NDST2: variants seen among roughly 807,000 people sequenced by gnomAD.
The protein encoded by NDST2 is bifunctional heparan sulfate N-deacetylase/N-sulfotransferase 2.
Under a neutral mutation model 86.9 loss-of-function variants are expected in NDST2, and 32 were observed. That is an observed-to-expected ratio of 0.37 (90% confidence interval 0.28 to 0.49). NDST2 has a LOEUF of 0.49. NDST2 is among the 20% of genes least tolerant of loss of function. The probability of loss-of-function intolerance (pLI) is 0.97; values close to 1 mark genes in which losing one functional copy is unlikely to be tolerated. For synonymous variants in NDST2, 409 were observed against 437.0 expected, an observed-to-expected ratio of 0.94 and a Z score of 0.80; for missense variants, 950 against 1,146.9, an observed-to-expected ratio of 0.83 and a Z score of 2.48.
Position 73,806,855 on chromosome 10 carries a change from G to A in NDST2, c.1094-44C>T. 1.2e-6 allele frequency: 2 copies of A among 1,600,400 alleles called. No individual in the cohort carries two copies. The highest frequency in any genetic ancestry group is 2.7e-5 in the African/African-American group (2 of 74,732). On this transcript the variant is annotated intron_variant, in intron 4 of 14. Coordinates refer to ENST00000309979, the MANE Select transcript of NDST2 (RefSeq NM_003635.4). The surrounding 1 kb of genome is among the most constrained non-coding windows in gnomAD (Gnocchi z 4.5). Reference sequence around the variant, plus strand: ...CACTGACCACAGCCAGTCAGCCCCTGTTCCCTCCTTTATTTTGTAACAACA... The same window carrying A: ...CACTGACCACAGCCAGTCAGCCCCTATTCCCTCCTTTATTTTGTAACAACA...
chr10:73,802,847 C>G lies in NDST2; in HGVS notation c.2424-71G>C, dbSNP rs897671468. The G allele has an allele frequency of 1.5e-5, 22 of 1,516,362 alleles. No individual in the cohort carries two copies. The African/African-American group carries it at 2.7e-4, about 19-fold the overall frequency. The allele number at this position is 1,516,362 out of a possible 1,614,324, so 93.9% of individuals were successfully genotyped here. On this transcript the variant is annotated intron_variant, in intron 13 of 14. Coordinates refer to ENST00000309979, the MANE Select transcript of NDST2 (RefSeq NM_003635.4). The stretch of plus-strand genomic sequence containing the variant: ...TCAAGTTCCATAAATGCACAATGCC[C>G]TTCCCTGCCCACAGGGACATGTCTC...
chr10:73,810,390 G>A (rs928972908), intron 2 of NDST2, among the ~76,000 whole-genome samples: 24 of 151,956 alleles, frequency 1.6e-4, no homozygotes, highest in African/African-American at 5.6e-4. Context: ...CGTGGGAGGC[G>A]GAAATTGCAG....
At chr10:73,805,515 AAACAAC>A (rs201618317) in intron 8 of NDST2, 66 bp downstream of exon 8, 19 of 1,465,780 alleles carry the variant, frequency 1.3e-5, no homozygotes, top group East Asian at 6.9e-5. Context: ...TTCTGTCTCA[AAACAAC>A]AACAACAACA....
intron 7 of NDST2, 30 bp downstream of exon 7, chr10:73,805,870 A>G (rs760416169): frequency 2.5e-6 from 4 of 1,613,770 alleles, no homozygotes; most frequent in African/African-American, 1.3e-5. Context: ...TGGCTCTCCA[A>G]TCTTCTAGCC....
In NDST2 at chr10:73,806,888, C is replaced by T; in HGVS notation, c.1094-77G>A. The T allele has an allele frequency of 6.3e-7, 1 of 1,577,502 alleles. No homozygotes were observed. Reference sequence around the variant, plus strand: ...CTTTATTTTGTAACAACACTGACCACCTTCCATCCCTGATCCTTGCCTAAG... The same window carrying T: ...CTTTATTTTGTAACAACACTGACCATCTTCCATCCCTGATCCTTGCCTAAG... On this transcript the variant is annotated intron_variant, in intron 4 of 14. Transcript: ENST00000309979. The surrounding 1 kb of genome is among the most constrained non-coding windows in gnomAD (Gnocchi z 4.5).
Position 73,808,528 on chromosome 10 carries a change from G to C in NDST2, c.-140C>G. On this transcript the variant is annotated 5_prime_UTR_variant, in exon 3 of 15. Coordinates refer to ENST00000309979, the MANE Select transcript of NDST2 (RefSeq NM_003635.4). This position sits in a 1 kb window ranked among gnomAD's most constrained non-coding sequence, Gnocchi z 4.3. ...GATTCCCTTGGGGAGTTTCCTTTAC[G>C]AGGTGGAGACGAGTCCCCTTAGCAT... 1 of 859,290 alleles carries C rather than the reference G, an allele frequency of 1.2e-6. No homozygotes were observed. The highest frequency in any genetic ancestry group is 1.7e-6 in the Non-Finnish European group (1 of 576,378). 53.2% of individuals were successfully genotyped at this position (859,290 alleles called of 1,614,324 possible). A position where few individuals can be genotyped will look rare whatever the true frequency, so the allele number is the denominator to read the frequency against.
In NDST2 at chr10:73,803,200, G is replaced by C. The variant is rs762174772; in HGVS notation, c.2302C>G (p.Pro768Ala). 6.2e-7 allele frequency: 1 copy of C among 1,614,212 alleles called. No individual in the cohort carries two copies. The highest frequency in any genetic ancestry group is 8.5e-7 in the Non-Finnish European group (1 of 1,180,036). Residue 768 changes from proline to alanine, a missense_variant, in exon 12 of 15, where the codon CCC becomes GCC. Pro to Ala is a conservative substitution (Grantham distance 27). Transcript: ENST00000309979. Reference protein sequence around the residue: ...THLQRWLTYYPSGQLLIVDGQ... With the variant: ...THLQRWLTYYASGQLLIVDGQ... ...TGTGGGGATTATACCTGTCCAGAGG[G>C]GTAGTAAGTCAGCCAGCGTTGTAGA... is the stretch of plus-strand genomic sequence containing the variant.
At position 73,802,462 on chromosome 10, in the gene NDST2, T is replaced by G; in HGVS notation, c.2641A>C (p.Ser881Arg). The change falls in exon 15 of 15, where the codon AGT becomes CGT. Residue 881 changes from serine to arginine, a missense_variant. By Grantham distance (110) the Ser-to-Arg change is moderately radical. Coordinates refer to ENST00000309979, the MANE Select transcript of NDST2 (RefSeq NM_003635.4). The part of the protein sequence containing the change: ...SWLREELQHS[S>R]LG The stretch of plus-strand genomic sequence containing the variant: ...GGGAGGCTGGGACATCAGCCCAGAC[T>G]GGAATGCTGCAGTTCTTCCCGAAGC... The G allele has an allele frequency of 6.2e-7, 1 of 1,612,972 alleles. No homozygotes were observed. The highest frequency in any genetic ancestry group is 8.5e-7 in the Non-Finnish European group (1 of 1,180,018).
rs1408046517 is a variant in NDST2, at chr10:73,806,442, A to G, written c.1281T>C (p.Ala427=). ...ACACACCCGAGTGGTGGGGGGCCAC[A>G]GCATACCCCAGGTCCGTGGGAATCC... ...EHGIPTDLGY[A]VAPHHSGVYP... Residue 427 remains alanine (A), a synonymous_variant, in exon 6 of 15, where the codon GCT becomes GCC. Transcript: ENST00000309979. The surrounding 1 kb of genome is among the most constrained non-coding windows in gnomAD (Gnocchi z 4.5). 1 of 1,606,926 alleles carries G rather than the reference A, an allele frequency of 6.2e-7. No individual in the cohort carries two copies. The highest frequency in any genetic ancestry group is 2.2e-5 in the East Asian group (1 of 44,808).
rs748464169 is a variant in NDST2, at chr10:73,803,331, G to A, written c.2171C>T (p.Ala724Val). 6.2e-7 allele frequency: 1 copy of A among 1,614,252 alleles called. No individual in the cohort carries two copies. The highest frequency in any genetic ancestry group is 8.5e-7 in the Non-Finnish European group (1 of 1,180,042). ...QHQRAHGDPV[A>V]LNYTFYQVIS... is the part of the protein sequence containing the mutation. ...CACCTGATAGAAGGTATAGTTCAGAGCAACTGGGTCTCCATGGGCTCGCTG... is the reference window on the plus strand; with the variant it reads ...CACCTGATAGAAGGTATAGTTCAGAACAACTGGGTCTCCATGGGCTCGCTG... Residue 724 changes from alanine (A) to valine (V), a missense_variant, in exon 12 of 15, where the codon GCT becomes GTT. Around this residue, in one of 5 missense-constraint regions of NDST2, gnomAD observed 303 missense variants for 323.7 expected, o/e 0.94. Coordinates refer to ENST00000309979, the MANE Select transcript of NDST2 (RefSeq NM_003635.4).
Position 73,802,562 on chromosome 10 carries a change from A to G in NDST2, c.2541T>C (p.Leu847=). The G allele has an allele frequency of 6.2e-7, 1 of 1,614,152 alleles. No individual in the cohort carries two copies. Among genetic ancestry groups the G allele is most frequent in the Non-Finnish European group, 8.5e-7 (1 of 1,180,024 alleles). ...AATTATGGTTCCGGAAAAAATCCGT[A>G]AGGAAAAGACGGGACTGACAGGAGA... ...PDMDTESRLF[L]TDFFRNHNLE... Residue 847 remains leucine (L), a synonymous_variant, in exon 15 of 15, where the codon CTT becomes CTC. Transcript: ENST00000309979.
Position 73,805,698 on chromosome 10 carries a change from C to G in NDST2, c.1635G>C (p.Leu545Phe). Residue 545 changes from leucine (L) to phenylalanine (F), a missense_variant, in exon 8 of 15, where the codon TTG (leucine) becomes TTC (phenylalanine). Leu to Phe is a conservative substitution (Grantham distance 22). Transcript: ENST00000309979. ...DRLGLYTFES[L>F]VRFLQCWTRL... Reference sequence around the variant, plus strand: ...GTGTCCAACACTGGAGGAAGCGCACCAAGCTCTCAAAGGTGTATAGGCCCA... The same window carrying G: ...GTGTCCAACACTGGAGGAAGCGCACGAAGCTCTCAAAGGTGTATAGGCCCA... The G allele has an allele frequency of 6.2e-7, 1 of 1,614,152 alleles. No individual in the cohort carries two copies. The highest frequency in any genetic ancestry group is 8.5e-7 in the Non-Finnish European group (1 of 1,180,040).
At position 73,806,679 on chromosome 10, in the gene NDST2, C is replaced by G; in HGVS notation, c.1226G>C (p.Arg409Thr). The G allele has an allele frequency of 6.2e-7, 1 of 1,614,082 alleles. No homozygotes were observed. Among genetic ancestry groups the G allele is most frequent in the African/African-American group, 1.3e-5 (1 of 75,038 alleles). The change falls in exon 5 of 15, where the codon AGG (arginine) becomes ACG (threonine). Residue 409 changes from arginine to threonine, a missense_variant. Around this residue, in one of 5 missense-constraint regions of NDST2, gnomAD observed 586 missense variants for 714.0 expected, o/e 0.82. Transcript: ENST00000309979. This position sits in a 1 kb window ranked among gnomAD's most constrained non-coding sequence, Gnocchi z 4.5. ...CACCAGAGCAAACTGTTTGTTGAGC[C>G]TCATCTGGTCAGCCAGCACGGAGCG... ...HNRSVLADQMRLNKQFALEHG... is the reference protein window; with the variant it reads ...HNRSVLADQMTLNKQFALEHG...
chr10:73,805,329 AT>A (rs1461246899), intron 8 of NDST2, among the ~76,000 whole-genome samples: 1 of 151,770 alleles, frequency 6.6e-6, no homozygotes, highest in East Asian at 2.0e-4. Context: ...CCTGACCAAC[AT>A]GGTGAAACCC....
rs77706975 is a variant in NDST2 at position 73,805,574 on chromosome 10, G to T, written c.1746+13C>A. 3.1e-3 allele frequency: 4,996 copies of T among 1,613,326 alleles called. 77 individuals are homozygous for T. The African/African-American group carries it at 0.041, about 13-fold the overall frequency. On this transcript the variant is annotated intron_variant, in intron 8 of 14. Transcript: ENST00000309979. ...CCTATCATGTCTCTCATCAGACTGA[G>T]CTCCACCTTTACCTGCCAAAGGGGG... is the stretch of plus-strand genomic sequence containing the variant.
Position 73,803,555 on chromosome 10 carries a change from T to C in NDST2, c.2142+19A>G. The stretch of plus-strand genomic sequence containing the variant: ...CTCCCCCCAACCTTTAGCCTGTGTG[T>C]CCCTAGCTTCAGGCAGACCTGGTAC... On this transcript the variant is annotated intron_variant, in intron 11 of 14. Transcript: ENST00000309979. The C allele has an allele frequency of 1.0e-6, 1 of 975,270 alleles. No homozygotes were observed. The highest frequency in any genetic ancestry group is 1.5e-6 in the Non-Finnish European group (1 of 676,094). The allele number at this position is 975,270 out of a possible 1,614,324, so 60.4% of individuals were successfully genotyped here.
chr10:73,806,964 C>G lies in NDST2; in HGVS notation c.1093+144G>C. ...TTGCCATCCAGCCACCCATGCGAAC[C>G]TAAATTCATGCCCACCACTAGCTCC... On this transcript the variant is annotated intron_variant, in intron 4 of 14. Transcript: ENST00000309979. The surrounding 1 kb of genome is among the most constrained non-coding windows in gnomAD (Gnocchi z 4.5). 1 of 1,446,482 alleles carries G rather than the reference C, an allele frequency of 6.9e-7. No homozygotes were observed. Among genetic ancestry groups the G allele is most frequent in the Non-Finnish European group, 9.6e-7 (1 of 1,043,412 alleles). The allele number at this position is 1,446,482 out of a possible 1,614,324, so 89.6% of individuals were successfully genotyped here.
chr10:73,804,044 G>C, intron 9 of NDST2, 28 bp from the exon 10 acceptor site: 2 of 1,610,532 alleles, frequency 1.2e-6, no homozygotes, highest in Admixed American at 1.7e-5. Flanking sequence ...ACCAGCTTCA[G>C]GCAGCCATTG....
Position 73,803,036 on chromosome 10 carries a change from A to G in NDST2, c.2359T>C (p.Ser787Pro). The G allele has an allele frequency of 6.2e-7, 1 of 1,614,190 alleles. No homozygotes were observed. Among genetic ancestry groups the G allele is most frequent in the Non-Finnish European group, 8.5e-7 (1 of 1,180,038 alleles). ...GQELRTNPAASMESIQKFLGI... is the reference protein window; with the variant it reads ...GQELRTNPAAPMESIQKFLGI... ...AGGAACTTCTGGATGCTCTCCATTG[A>G]GGCTGCTGGGTTGGTACGCAGCTCT... is the stretch of plus-strand genomic sequence containing the variant. The change falls in exon 13 of 15, where the codon TCA becomes CCA. Residue 787 changes from serine (S) to proline (P), a missense_variant. Transcript: ENST00000309979.
Sources: allele counts gnomAD v4.1 joint callset (sites outside exome capture counted in the v4.1 genomes callset), GRCh38; gene constraint gnomAD v4.1.1; regional missense constraint gnomAD v4.1.1; non-coding constraint Gnocchi (gnomAD v3.1); transcripts MANE v1.5; gene names NCBI Gene and HGNC (gene_info 2026-07-23, HGNC 2026-07-21).